EP300: variants seen among roughly 807,000 people sequenced by gnomAD.
EP300 encodes EP300 lysine acetyltransferase.
EP300 carries 31 observed loss-of-function variants against 264.0 expected under a neutral mutation model. The ratio of observed to expected loss-of-function variants is 0.12; its 90% CI spans 0.09 to 0.16. EP300 has a LOEUF of 0.16. Among genes scored for constraint, EP300 ranks in the 10% least tolerant of loss-of-function variants. EP300 has a pLI of 1.00. For missense variants in EP300, 2,766 were observed against 3,052.9 expected (o/e 0.91, Z 2.21); for synonymous variants, 1,340 against 1,045.4 (o/e 1.28, Z -5.44).
At chr22:41,140,826 T>C (rs1031470257) in intron 9 of EP300, among the ~76,000 whole-genome samples, 7 of 152,152 alleles carry the variant, frequency 4.6e-5, no homozygotes, top group South Asian at 2.1e-4. Context: ...TGTTACCAGC[T>C]GTGTTCTCTT....
chr22:41,169,211 C>A, intron 25 of EP300: 1 of 544,370 alleles, frequency 1.8e-6, no homozygotes, highest in South Asian at 2.1e-5. Flanking sequence ...TTTCTTTTCT[C>A]CAAAAATAGT....
At chr22:41,161,171 G>A (rs1208207213) in intron 20 of EP300, among the ~76,000 whole-genome samples, 1 of 152,210 alleles carries the variant, frequency 6.6e-6, no homozygotes, top group Admixed American at 6.5e-5. Flanking sequence ...CCCTTCTCTT[G>A]TAGGTTAACA....
intron 2 of EP300, among the ~76,000 whole-genome samples, chr22:41,119,351 G>T (rs1050503856): frequency 3.7e-4 from 56 of 151,714 alleles, no homozygotes; most frequent in African/African-American, 1.3e-3. Context: ...CCGTGTCAGT[G>T]TAGTTTACTT....
intron 14 of EP300, among the ~76,000 whole-genome samples, chr22:41,150,890 A>T (rs1343786126): frequency 8.1e-6 from 1 of 122,830 alleles, no homozygotes; most frequent in Non-Finnish European, 1.7e-5. Flanking sequence ...AACTCCGTCT[A>T]AAAAAAAAAA....
rs540813452 is a variant in EP300, at chr22:41,178,903, G to A, written c.7192G>A (p.Asp2398Asn). The A allele has an allele frequency of 2.3e-5, 37 of 1,614,164 alleles. No homozygotes were observed. The highest frequency in any genetic ancestry group is 1.6e-4 in the Middle Eastern group (1 of 6,062). ...ASATDLGLST[D>N]NSDLNSNLSQ... ...CGCCACGGACCTGGGACTCAGCACCGATAACTCAGACTTGAATTCAAACCT... is the reference window on the plus strand; with the variant it reads ...CGCCACGGACCTGGGACTCAGCACCAATAACTCAGACTTGAATTCAAACCT... Residue 2398 changes from aspartate (D) to asparagine (N), a missense_variant, in exon 31 of 31, where the codon GAT (aspartate) becomes AAT (asparagine). Transcript: ENST00000263253.
intron 27 of EP300, among the ~76,000 whole-genome samples, chr22:41,171,669 G>A (rs116886942): frequency 0.024 from 3,550 of 149,408 alleles, 53 homozygotes; most frequent in Non-Finnish European, 0.038. Context: ...TTTTTTGGAC[G>A]GAGTTTCAGG....
intron 8 of EP300, 145 bp from the exon 9 acceptor site, chr22:41,139,995 A>T (rs1264492959): frequency 2.1e-5 from 14 of 668,514 alleles, no homozygotes; most frequent in Non-Finnish European, 3.7e-5. Flanking sequence ...TGTTTATCAC[A>T]AAAAGATAAT....
At chr22:41,141,952 CA>C (rs1342644206) in intron 10 of EP300, among the ~76,000 whole-genome samples, 1 of 152,180 alleles carries the variant, frequency 6.6e-6, no homozygotes, top group East Asian at 1.9e-4. Context: ...ACTAGGATTA[CA>C]GGCATGAGCC....
In EP300 at chr22:41,139,480, T is replaced by C. The variant is rs59348729; in HGVS notation, c.1761-660T>C. On this transcript the variant is annotated intron_variant, in intron 8 of 30. Transcript: ENST00000263253. ...CGAGTTTTCTACCAACTTGGTATTA[T>C]TCTGGACTTCCATTTATATCTTCTT... 9.9e-3 allele frequency among the ~76,000 whole-genome samples: 1,501 copies of C among 152,348 alleles called. 30 individuals are homozygous for C. Among genetic ancestry groups the C allele is most frequent in the African/African-American group, 0.034 (1,421 of 41,580 alleles).
intron 1 of EP300, among the ~76,000 whole-genome samples, chr22:41,094,038 GTTCA>G (rs2058689007): frequency 6.6e-6 from 1 of 152,222 alleles, no homozygotes; most frequent in Non-Finnish European, 1.5e-5. Context: ...TTTACGACCA[GTTCA>G]TTCAGTTGTG....
At chr22:41,164,234 A>C (rs1360843031) in intron 22 of EP300, 104 bp downstream of exon 22, 2 of 1,106,260 alleles carry the variant, frequency 1.8e-6, no homozygotes, top group East Asian at 4.7e-5. Context: ...CAAAGTTACT[A>C]TCTTTAAATT....
At chr22:41,154,333 T>G (rs578175822) in intron 16 of EP300, among the ~76,000 whole-genome samples, 1 of 150,774 alleles carries the variant, frequency 6.6e-6, no homozygotes, top group Non-Finnish European at 1.5e-5. Context: ...TTTCTGTTCT[T>G]GCTTGACTGC....
intron 18 of EP300, among the ~76,000 whole-genome samples, chr22:41,157,992 G>T (rs997873713): frequency 2.0e-5 from 3 of 152,180 alleles, no homozygotes; most frequent in African/African-American, 7.2e-5. Flanking sequence ...TTCACCTGTG[G>T]GTGCAGATTC....
At chr22:41,100,987 A>G (rs1214736370) in intron 1 of EP300, among the ~76,000 whole-genome samples, 3 of 152,232 alleles carry the variant, frequency 2.0e-5, no homozygotes, top group Non-Finnish European at 4.4e-5. Context: ...AAATCAGCAG[A>G]TAGTTAAGGC....
intron 1 of EP300, among the ~76,000 whole-genome samples, chr22:41,116,952 T>C (rs1345940413): frequency 6.6e-6 from 1 of 152,076 alleles, no homozygotes; most frequent in African/African-American, 2.4e-5. Flanking sequence ...CACAGCTACT[T>C]GGGAGGCTGA....
Position 41,117,179 on chromosome 22 carries a change from G to A in EP300, c.95-8G>A, listed in dbSNP as rs1225714368. ...ACTTTGACCTTTGTCTTTTCCCTTTGCTTTTAGATTTTGGCTCTCTATTTG... is the reference window on the plus strand; with the variant it reads ...ACTTTGACCTTTGTCTTTTCCCTTTACTTTTAGATTTTGGCTCTCTATTTG... On this transcript the variant is annotated splice_region_variant and splice_polypyrimidine_tract_variant and intron_variant, in intron 1 of 30. Coordinates refer to ENST00000263253, the MANE Select transcript of EP300 (RefSeq NM_001429.4). 6.2e-7 allele frequency: 1 copy of A among 1,613,684 alleles called. No individual in the cohort carries two copies. The highest frequency in any genetic ancestry group is 1.1e-5 in the South Asian group (1 of 91,040).
chr22:41,178,862 A>G lies in EP300; in HGVS notation c.7151A>G (p.Asn2384Ser), dbSNP rs2145524365. 2 of 1,613,590 alleles carry G rather than the reference A, an allele frequency of 1.2e-6. No individual in the cohort carries two copies. Among genetic ancestry groups the G allele is most frequent in the South Asian group, 2.2e-5 (2 of 91,054 alleles). The change falls in exon 31 of 31, where the codon AAC becomes AGC. Residue 2384 changes from asparagine (N) to serine (S), a missense_variant. Physicochemically the swap from Asn to Ser is conservative, Grantham distance 46. Transcript: ENST00000263253. Reference protein sequence around the residue: ...SQLASNPGMANLHGASATDLG... With the variant: ...SQLASNPGMASLHGASATDLG... ...CTTGCTAGCAATCCAGGCATGGCAA[A>G]CCTCCATGGTGCAAGCGCCACGGAC...
In EP300 at chr22:41,149,158, C is replaced by G. The variant is rs1251735393; in HGVS notation, c.2362C>G (p.Gln788Glu). 1 of 1,614,056 alleles carries G rather than the reference C, an allele frequency of 6.2e-7. No homozygotes were observed. The highest frequency in any genetic ancestry group is 8.5e-7 in the Non-Finnish European group (1 of 1,180,020). Residue 788 changes from glutamine (Q) to glutamate (E), a missense_variant, in exon 13 of 31, where the codon CAA (glutamine) becomes GAA (glutamate). Gln to Glu is a conservative substitution (Grantham distance 29, BLOSUM62 2). Transcript: ENST00000263253. The part of the protein sequence containing the change: ...TNIPLAPSSG[Q>E]APVSQAQMSS... Reference sequence around the variant, plus strand: ...TATCCCTTTGGCTCCGTCCAGCGGTCAAGCTCCAGTGTCTCAAGTATGTCT... The same window carrying G: ...TATCCCTTTGGCTCCGTCCAGCGGTGAAGCTCCAGTGTCTCAAGTATGTCT...
rs761263817 is a variant in EP300 at position 41,141,100 on chromosome 22, T to G, written c.1931T>G (p.Leu644Arg). ...AAAATCTATAAGATCCAGAAAGAACTAGAAGAAAAACGAAGGACCAGACTA... is the reference window on the plus strand; with the variant it reads ...AAAATCTATAAGATCCAGAAAGAACGAGAAGAAAAACGAAGGACCAGACTA... ...AEKIYKIQKE[L>R]EEKRRTRLQK... The change falls in exon 10 of 31, where the codon CTA (leucine) becomes CGA (arginine). Residue 644 changes from leucine to arginine, a missense_variant. Coordinates refer to ENST00000263253, the MANE Select transcript of EP300 (RefSeq NM_001429.4). 6.2e-7 allele frequency: 1 copy of G among 1,614,102 alleles called. No individual in the cohort carries two copies. Among genetic ancestry groups the G allele is most frequent in the Non-Finnish European group, 8.5e-7 (1 of 1,180,016 alleles).
Sources: allele counts gnomAD v4.1 joint callset (sites outside exome capture counted in the v4.1 genomes callset), GRCh38; gene constraint gnomAD v4.1.1; transcripts MANE v1.5; gene names NCBI Gene and HGNC (gene_info 2026-07-23, HGNC 2026-07-21).